The following ACACB variants were observed in gnomAD, a reference collection of about 807,000 sequenced individuals.
ACACB encodes acetyl-CoA carboxylase beta, also known as acetyl-CoA carboxylase 2.
In ACACB, 209 loss-of-function variants were observed where a neutral mutation model predicts 278.8. That is an observed-to-expected ratio of 0.75 (90% confidence interval 0.67 to 0.84). ACACB has a LOEUF of 0.84. Ranked by LOEUF, ACACB falls within the 40% of genes least tolerant of loss-of-function variation. ACACB has a pLI of 0.00. For synonymous variants in ACACB, 1,174 were observed against 1,285.6 expected, an observed-to-expected ratio of 0.91 and a Z score of 1.86; for missense variants, 2,850 against 3,269.0, an observed-to-expected ratio of 0.87 and a Z score of 3.13.
At chr12:109,127,331 G>A (rs1480837797) in intron 1 of ACACB, among the ~76,000 whole-genome samples, 1 of 151,958 alleles carries the variant, frequency 6.6e-6, no homozygotes, top group African/African-American at 2.4e-5. Context: ...ATAGTGGAAG[G>A]CATTATTGGT....
intron 21 of ACACB, among the ~76,000 whole-genome samples, chr12:109,209,800 T>G (rs889798895): frequency 6.8e-6 from 1 of 147,834 alleles, no homozygotes; most frequent in Admixed American, 6.7e-5. Flanking sequence ...TGTGTATATA[T>G]ATATACACAC....
At chr12:109,188,423 G>A (rs73191118) in intron 13 of ACACB, among the ~76,000 whole-genome samples, 4 of 109,414 alleles carry the variant, frequency 3.7e-5, no homozygotes, top group Non-Finnish European at 5.5e-5. Flanking sequence ...CCTTCCTCCC[G>A]TCCTTCCTCC....
intron 26 of ACACB, 47 bp from the exon 27 acceptor site, chr12:109,223,768 C>T: frequency 1.3e-6 from 2 of 1,542,196 alleles, no homozygotes; most frequent in South Asian, 1.1e-5. Context: ...AAACCTGAAA[C>T]TTGTTCACAT....
At chr12:109,217,534 C>T (rs1053377738) in intron 24 of ACACB, among the ~76,000 whole-genome samples, 2 of 152,078 alleles carry the variant, frequency 1.3e-5, no homozygotes, top group Non-Finnish European at 2.9e-5. Flanking sequence ...CACTGTGGCT[C>T]ACATCTGTAA....
intron 1 of ACACB, among the ~76,000 whole-genome samples, chr12:109,120,165 C>T (rs1211411196): frequency 6.6e-6 from 1 of 152,190 alleles, no homozygotes; most frequent in Non-Finnish European, 1.5e-5. Context: ...ATACTCCCCA[C>T]AAAGTGAGGC....
At chr12:109,152,355 G>A (rs535433902) in intron 2 of ACACB, among the ~76,000 whole-genome samples, 1 of 152,210 alleles carries the variant, frequency 6.6e-6, no homozygotes, top group Non-Finnish European at 1.5e-5. Context: ...TGTTGGTTTT[G>A]GTTTGAATCT....
chr12:109,197,723 TC>T (rs1185070008), intron 17 of ACACB, among the ~76,000 whole-genome samples: 1 of 151,912 alleles, frequency 6.6e-6, no homozygotes, highest in African/African-American at 2.4e-5. Context: ...ATGCCCCGCC[TC>T]CAGTGTGTCT....
At position 109,233,964 on chromosome 12, in the gene ACACB, T is replaced by C. The variant is rs1279154799; in HGVS notation, c.4266T>C (p.Ile1422=). The C allele has an allele frequency of 1.9e-6, 3 of 1,614,094 alleles. No homozygotes were observed. Among genetic ancestry groups the C allele is most frequent in the Non-Finnish European group, 2.5e-6 (3 of 1,180,012 alleles). The part of the protein sequence containing the change: ...CKSLREEPIH[I]LNVSIQCADH... ...GCCTCAGAGAAGAGCCCATCCACAT[T>C]CTGAATGTGTCCATCCAGTGTGCAG... is the stretch of plus-strand genomic sequence containing the variant. Residue 1422 remains isoleucine (I), a synonymous_variant, in exon 31 of 53, where the codon ATT becomes ATC. Transcript: ENST00000338432.
intron 2 of ACACB, among the ~76,000 whole-genome samples, chr12:109,152,312 A>C (rs1340388416): frequency 6.6e-6 from 1 of 152,160 alleles, no homozygotes; most frequent in Non-Finnish European, 1.5e-5. Flanking sequence ...AGGTGGTTAC[A>C]TTTACACTGG....
chr12:109,194,994 G>T (rs907967174), intron 16 of ACACB, among the ~76,000 whole-genome samples: 2 of 152,058 alleles, frequency 1.3e-5, no homozygotes, highest in African/African-American at 4.8e-5. Flanking sequence ...GGCTTATTCC[G>T]GTTGCTCTCC....
chr12:109,246,846 T>C (rs2046961150), intron 39 of ACACB, among the ~76,000 whole-genome samples: 2 of 152,174 alleles, frequency 1.3e-5, no homozygotes, highest in Admixed American at 1.3e-4. Flanking sequence ...GGTGGGAGGA[T>C]AGCTTGAAGC....
intron 2 of ACACB, among the ~76,000 whole-genome samples, chr12:109,164,611 C>A (rs1478096603): frequency 1.3e-5 from 2 of 152,000 alleles, no homozygotes; most frequent in Non-Finnish European, 2.9e-5. Flanking sequence ...ATGGTGCAAT[C>A]CTAGCTCACT....
At chr12:109,147,812 G>A (rs544103123) in intron 2 of ACACB, among the ~76,000 whole-genome samples, 2 of 151,722 alleles carry the variant, frequency 1.3e-5, no homozygotes, top group African/African-American at 4.8e-5. Flanking sequence ...ATGGATGAAC[G>A]AATGGATGAA....
intron 28 of ACACB, among the ~76,000 whole-genome samples, chr12:109,229,845 A>G (rs2046419084): frequency 6.6e-6 from 1 of 152,046 alleles, no homozygotes; most frequent in Non-Finnish European, 1.5e-5. Context: ...AAAATATCTG[A>G]TGTGTCTGAG....
At chr12:109,167,621 GTATATATATATATATATATATATA>G (rs1216217057) in intron 3 of ACACB, among the ~76,000 whole-genome samples, 1 of 77,528 alleles carries the variant, frequency 1.3e-5, no homozygotes. Flanking sequence ...ATATGTATGT[GTATATATATATATATATATATATA>G]TATATATATT....
intron 19 of ACACB, among the ~76,000 whole-genome samples, chr12:109,204,706 T>C (rs956877290): frequency 3.9e-5 from 6 of 152,174 alleles, no homozygotes; most frequent in East Asian, 1.9e-4. Flanking sequence ...ATGAGTTTAT[T>C]TGTTTTAATT....
At chr12:109,235,219 G>A in intron 31 of ACACB, 94 bp from the exon 32 acceptor site, 2 of 1,042,642 alleles carry the variant, frequency 1.9e-6, no homozygotes, top group South Asian at 1.3e-5. Flanking sequence ...TTAGCATAAT[G>A]TTTACAGGTT....
At chr12:109,224,672 C>T (rs2046266355) in intron 27 of ACACB, among the ~76,000 whole-genome samples, 1 of 151,972 alleles carries the variant, frequency 6.6e-6, no homozygotes, top group Non-Finnish European at 1.5e-5. Context: ...GCTGGGCCTA[C>T]AGGCGCCCAC....
chr12:109,206,100 A>C (rs1181761375), intron 19 of ACACB, among the ~76,000 whole-genome samples: 5 of 152,204 alleles, frequency 3.3e-5, no homozygotes, highest in Non-Finnish European at 7.3e-5. Flanking sequence ...AAATAAATAC[A>C]GAACATGAGA....
Sources: allele counts gnomAD v4.1 joint callset (sites outside exome capture counted in the v4.1 genomes callset), GRCh38; gene constraint gnomAD v4.1.1; transcripts MANE v1.5; gene names NCBI Gene and HGNC (gene_info 2026-07-23, HGNC 2026-07-21).